MAP2: variants seen among roughly 807,000 people sequenced by gnomAD.
MAP2 encodes the protein microtubule associated protein 2.
Under a neutral mutation model 137.6 loss-of-function variants are expected in MAP2, and 14 were observed. The observed-to-expected ratio is 0.10, with a 90% confidence interval of 0.07 to 0.16. MAP2 has a LOEUF of 0.16. Ranked by LOEUF, MAP2 falls within the 10% of genes least tolerant of loss-of-function variation. MAP2 has a pLI of 1.00. For synonymous variants in MAP2, 786 were observed against 782.3 expected (o/e 1.00, Z -0.08); for missense variants, 2,088 against 2,191.5 (o/e 0.95, Z 0.94).
At chr2:209,661,615 T>G in intron 5 of MAP2, 2 of 985,442 alleles carry the variant, frequency 2.0e-6, no homozygotes, top group Non-Finnish European at 2.4e-6. Flanking sequence ...CTTCTAAAGG[T>G]TAGGCATCCG....
chr2:209,658,832 A>G (rs941075386), intron 5 of MAP2, among the ~76,000 whole-genome samples: 4 of 152,138 alleles, frequency 2.6e-5, no homozygotes, highest in Non-Finnish European at 4.4e-5. Context: ...TCTAATTTCT[A>G]TTCATCCCTC....
rs2059556836 is a variant in MAP2 at position 209,693,848 on chromosome 2, A to G, written c.1678A>G (p.Met560Val). ...VGAATSAELD[M>V]PFYEDKSGMS... ...AGCTGCAACATCAGCTGAGCTTGAT[A>G]TGCCATTTTATGAAGATAAATCAGG... The change falls in exon 8 of 16, where the codon ATG becomes GTG. Residue 560 changes from methionine (M) to valine (V), a missense_variant. Met to Val is a conservative substitution (Grantham distance 21). This residue lies in a region of MAP2 where 859 missense variants were observed against 794.5 expected (regional missense o/e 1.08). Transcript: ENST00000682079. The G allele has an allele frequency of 1.2e-5, 20 of 1,613,500 alleles. No individual in the cohort carries two copies. The highest frequency in any genetic ancestry group is 1.4e-5 in the Non-Finnish European group (16 of 1,179,850).
intron 3 of MAP2, among the ~76,000 whole-genome samples, chr2:209,621,514 C>T (rs531032370): frequency 1.3e-5 from 2 of 152,048 alleles, no homozygotes; most frequent in East Asian, 3.9e-4. Flanking sequence ...CCTCCTCAGC[C>T]TCCCAAAGTG....
Position 209,695,052 on chromosome 2 carries a change from A to T in MAP2, c.2882A>T (p.Asp961Val), listed in dbSNP as rs965717219. The change falls in exon 8 of 16, where the codon GAT becomes GTT. Residue 961 changes from aspartate (D) to valine (V), a missense_variant. Coordinates refer to ENST00000682079, the MANE Select transcript of MAP2 (RefSeq NM_001375505.1). ...GAGAAGAAAGCTAATGATAGGTTGGATACTGTACTAGAAAAGAGTGAAGAA... is the reference window on the plus strand; with the variant it reads ...GAGAAGAAAGCTAATGATAGGTTGGTTACTGTACTAGAAAAGAGTGAAGAA... ...DQEKKANDRL[D>V]TVLEKSEEHA... The T allele has an allele frequency of 6.2e-7, 1 of 1,614,168 alleles. No individual in the cohort carries two copies. Among genetic ancestry groups the T allele is most frequent in the Non-Finnish European group, 8.5e-7 (1 of 1,180,034 alleles).
At chr2:209,621,654 T>G (rs1474206412) in intron 3 of MAP2, among the ~76,000 whole-genome samples, 1 of 152,200 alleles carries the variant, frequency 6.6e-6, no homozygotes, top group African/African-American at 2.4e-5. Context: ...GAGTATATCC[T>G]GGCTCAACAA....
At chr2:209,676,456 T>C (rs961682397) in intron 5 of MAP2, among the ~76,000 whole-genome samples, 2 of 151,544 alleles carry the variant, frequency 1.3e-5, no homozygotes, top group Non-Finnish European at 3.0e-5. Flanking sequence ...AATACCTGGG[T>C]GATAAAATAA....
intron 1 of MAP2, among the ~76,000 whole-genome samples, chr2:209,476,639 C>T (rs151130303): frequency 3.9e-5 from 6 of 152,230 alleles, no homozygotes; most frequent in South Asian, 2.1e-4. Context: ...GAAAAATATA[C>T]GACGTCCATA....
At chr2:209,690,563 G>A (rs943504141) in intron 7 of MAP2, 16 of 1,250,298 alleles carry the variant, frequency 1.3e-5, no homozygotes, top group Non-Finnish European at 4.1e-6. Flanking sequence ...TTCATGTATT[G>A]TTCTGTGGTC....
chr2:209,441,686 A>C (rs1697822355), intron 1 of MAP2, among the ~76,000 whole-genome samples: 2 of 151,596 alleles, frequency 1.3e-5, no homozygotes, highest in South Asian at 4.1e-4. Flanking sequence ...CGAATGATGA[A>C]GTGAAAGGCT....
In MAP2 at chr2:209,732,297, A is replaced by G. The variant is rs2075874468; in HGVS notation, c.*1900A>G. ...GGTGCTTTTTGGTGACCCAGTGGAT[A>G]TGGCAACCAGTGTAACTGCCATACA... On this transcript the variant is annotated 3_prime_UTR_variant, in exon 16 of 16. Coordinates refer to ENST00000682079, the MANE Select transcript of MAP2 (RefSeq NM_001375505.1). The G allele has an allele frequency of 6.6e-6, 1 of 152,268 alleles. No individual in the cohort carries two copies. Among genetic ancestry groups the G allele is most frequent in the African/African-American group, 2.4e-5 (1 of 41,476 alleles). 9.4% of individuals were successfully genotyped at this position (152,268 alleles called of 1,614,324 possible).
At chr2:209,704,387 A>G (rs1021192139) in intron 11 of MAP2, 23 of 1,435,050 alleles carry the variant, frequency 1.6e-5, no homozygotes, top group Non-Finnish European at 1.9e-5. Context: ...CTTCTTTTTT[A>G]TCTTCCTTTT....
Position 209,561,585 on chromosome 2 carries a change from T to C in MAP2, c.-171-18451T>C, listed in dbSNP as rs528110309. On this transcript the variant is annotated intron_variant, in intron 2 of 15. Coordinates refer to ENST00000682079, the MANE Select transcript of MAP2 (RefSeq NM_001375505.1). ...GTCTGATTATTATGTGTAAAGTGCT[T>C]AATATAGTGTAGGCAAATTATAAGC... Among the ~76,000 whole-genome samples, 6 of 152,346 alleles carry C rather than the reference T, an allele frequency of 3.9e-5. No homozygotes were observed. In the East Asian group the frequency reaches 1.2e-3, roughly 29 times the overall value.
intron 7 of MAP2, chr2:209,684,628 A>T (rs1158217193): frequency 1.3e-5 from 2 of 152,228 alleles, no homozygotes; most frequent in Non-Finnish European, 2.9e-5. Flanking sequence ...AATGAAAGCA[A>T]ACTAGGGAAA....
chr2:209,590,449 C>T (rs1018828063), intron 3 of MAP2, among the ~76,000 whole-genome samples: 3 of 152,248 alleles, frequency 2.0e-5, no homozygotes, highest in Admixed American at 6.5e-5. Context: ...GATTCTCTTG[C>T]CTCAGCCTCC....
intron 2 of MAP2, among the ~76,000 whole-genome samples, chr2:209,575,694 A>C (rs530216212): frequency 1.9e-4 from 29 of 152,256 alleles, no homozygotes; most frequent in Non-Finnish European, 3.8e-4. Flanking sequence ...GATTTTTCAT[A>C]TTCAGTCATT....
chr2:209,544,771 T>C (rs1334327221), intron 2 of MAP2, among the ~76,000 whole-genome samples: 1 of 152,212 alleles, frequency 6.6e-6, no homozygotes, highest in Non-Finnish European at 1.5e-5. Context: ...CCCAATAATG[T>C]GATATAAATC....
chr2:209,540,373 C>T (rs1490008819), intron 2 of MAP2, among the ~76,000 whole-genome samples: 1 of 151,280 alleles, frequency 6.6e-6, no homozygotes, highest in Non-Finnish European at 1.5e-5. Flanking sequence ...GTCGCTCACA[C>T]CTGTAATCCC....
intron 1 of MAP2, among the ~76,000 whole-genome samples, chr2:209,456,835 T>A (rs1386784739): frequency 6.6e-6 from 1 of 152,254 alleles, no homozygotes; most frequent in African/African-American, 2.4e-5. Context: ...AAACTCCATG[T>A]AAATCACATT....
At chr2:209,434,886 T>C (rs965784648) in intron 1 of MAP2, among the ~76,000 whole-genome samples, 4 of 37,338 alleles carry the variant, frequency 1.1e-4, no homozygotes, top group Non-Finnish European at 2.4e-4. Context: ...ATATATATGT[T>C]ATATATATGT....
Sources: allele counts gnomAD v4.1 joint callset (sites outside exome capture counted in the v4.1 genomes callset), GRCh38; gene constraint gnomAD v4.1.1; regional missense constraint gnomAD v4.1.1; transcripts MANE v1.5; gene names NCBI Gene and HGNC (gene_info 2026-07-23, HGNC 2026-07-21).